The following SYN3 variants were observed in gnomAD, a reference collection of about 807,000 sequenced individuals.
SYN3 encodes the protein synapsin-3.
SYN3 carries 35 observed loss-of-function variants against 65.8 expected under a neutral mutation model. The observed-to-expected ratio is 0.53, with a 90% CI of 0.41 to 0.70. The LOEUF (loss-of-function observed/expected upper bound fraction) is 0.70. SYN3 is among the 30% of genes least tolerant of loss of function. The pLI, the probability that SYN3 is intolerant of heterozygous loss-of-function variation, is 0.00. For missense variants in SYN3, 680 were observed against 749.0 expected, an observed-to-expected ratio of 0.91 and a Z score of 1.08; for synonymous variants, 270 against 292.9, an observed-to-expected ratio of 0.92 and a Z score of 0.80.
intron 6 of SYN3, among the ~76,000 whole-genome samples, chr22:32,628,360 A>G (rs566308101): frequency 6.6e-6 from 1 of 152,280 alleles, no homozygotes; most frequent in South Asian, 2.1e-4. Flanking sequence ...ATTGAAGACC[A>G]TTACTGGAAG....
chr22:32,567,312 G>T (rs1055939439), intron 7 of SYN3, among the ~76,000 whole-genome samples: 1 of 148,606 alleles, frequency 6.7e-6, no homozygotes, highest in African/African-American at 2.5e-5. Flanking sequence ...ATAGAACGAT[G>T]ACGGAGATCC....
intron 6 of SYN3, among the ~76,000 whole-genome samples, chr22:32,847,592 C>A (rs778171183): frequency 1.4e-4 from 21 of 152,130 alleles, no homozygotes; most frequent in Non-Finnish European, 2.1e-4. Flanking sequence ...GGAATCAGTT[C>A]TTAGTAAAGA....
intron 7 of SYN3, among the ~76,000 whole-genome samples, chr22:32,558,141 GA>G (rs1242551260): frequency 3.9e-5 from 6 of 152,086 alleles, no homozygotes; most frequent in Non-Finnish European, 7.4e-5. Context: ...GCTGTTGAAT[GA>G]AAAAAAGAAA....
At chr22:32,805,030 T>C (rs995087142) in intron 6 of SYN3, among the ~76,000 whole-genome samples, 10 of 151,598 alleles carry the variant, frequency 6.6e-5, no homozygotes, top group Non-Finnish European at 1.3e-4. Context: ...TGTGTGCGTG[T>C]GTGTGTGTGT....
chr22:32,689,364 G>C (rs1402494896), intron 6 of SYN3, among the ~76,000 whole-genome samples: 1 of 152,216 alleles, frequency 6.6e-6, no homozygotes, highest in Non-Finnish European at 1.5e-5. Context: ...CAACTGCTCT[G>C]AGCCTTCGTT....
chr22:32,929,037 C>T (rs906938952), intron 4 of SYN3, among the ~76,000 whole-genome samples: 1 of 152,116 alleles, frequency 6.6e-6, no homozygotes, highest in African/African-American at 2.4e-5. Context: ...AATTCCAACA[C>T]TTTGGGAGGC....
chr22:32,749,531 C>A (rs2045047428), intron 6 of SYN3, among the ~76,000 whole-genome samples: 1 of 152,070 alleles, frequency 6.6e-6, no homozygotes, highest in South Asian at 2.1e-4. Context: ...ATACAAACTA[C>A]TCGGGAGGCT....
intron 6 of SYN3, among the ~76,000 whole-genome samples, chr22:32,714,397 G>A (rs73156417): frequency 3.0e-4 from 46 of 152,114 alleles, no homozygotes; most frequent in Admixed American, 1.4e-3. Flanking sequence ...AATTTCAGTG[G>A]TTCTCAACCC....
chr22:32,853,165 C>T (rs1275520188), intron 6 of SYN3, among the ~76,000 whole-genome samples: 2 of 152,204 alleles, frequency 1.3e-5, no homozygotes, highest in Non-Finnish European at 2.9e-5. Context: ...ACCCCCAGCC[C>T]ACAGGGAACC....
intron 6 of SYN3, among the ~76,000 whole-genome samples, chr22:32,657,924 C>T (rs1462137709): frequency 2.6e-5 from 4 of 152,198 alleles, no homozygotes; most frequent in Non-Finnish European, 4.4e-5. Flanking sequence ...CTTCTCTTTC[C>T]CCTCCTGTCT....
At chr22:32,618,425 G>A (rs1156665889) in intron 6 of SYN3, among the ~76,000 whole-genome samples, 1 of 152,148 alleles carries the variant, frequency 6.6e-6, no homozygotes, top group Non-Finnish European at 1.5e-5. Flanking sequence ...GTCAGCCCTC[G>A]AAACTTATGT....
At position 32,962,801 on chromosome 22, in the gene SYN3, C is replaced by CATCTATCT. The variant is rs56349346; in HGVS notation, c.369+17836_369+17843dup. ...TAGTAAAGTCTTGGCAGAGTATCGG[C>CATCTATCT]ATCTATCTATCTATCTATCTATCTA... On this transcript the variant is annotated intron_variant, in intron 3 of 13. Transcript: ENST00000358763. Among the ~76,000 whole-genome samples, 1,037 of 146,558 alleles carry CATCTATCT rather than the reference C, an allele frequency of 7.1e-3. 2 individuals carry two copies. The highest frequency in any genetic ancestry group is 0.012 in the East Asian group (59 of 4,822).
chr22:32,685,394 C>G (rs1399898329), intron 6 of SYN3, among the ~76,000 whole-genome samples: 2 of 152,238 alleles, frequency 1.3e-5, no homozygotes, highest in African/African-American at 4.8e-5. Flanking sequence ...TAGTCATGTG[C>G]CACATAACGA....
chr22:32,744,384 C>T (rs149199550), intron 6 of SYN3, among the ~76,000 whole-genome samples: 1 of 152,244 alleles, frequency 6.6e-6, no homozygotes, highest in African/African-American at 2.4e-5. Flanking sequence ...CTATGAGAGC[C>T]GTTCCCTGTT....
chr22:33,054,996 T>C (rs543863290), intron 1 of SYN3, among the ~76,000 whole-genome samples: 158 of 152,340 alleles, frequency 1.0e-3, no homozygotes, highest in African/African-American at 3.6e-3. Flanking sequence ...ATTGCTGTCC[T>C]CTAGCCCAGA....
At chr22:32,630,675 A>G (rs1382425528) in intron 6 of SYN3, among the ~76,000 whole-genome samples, 1 of 152,222 alleles carries the variant, frequency 6.6e-6, no homozygotes, top group East Asian at 1.9e-4. Flanking sequence ...GTGCACAGCT[A>G]TGTGACCAAC....
intron 6 of SYN3, among the ~76,000 whole-genome samples, chr22:32,756,933 A>G (rs1056737641): frequency 6.6e-6 from 1 of 152,246 alleles, no homozygotes; most frequent in African/African-American, 2.4e-5. Context: ...CTCAAATGCC[A>G]GAAGTAGGAT....
Position 32,898,828 on chromosome 22 carries a change from C to T in SYN3, c.462-29703G>A, listed in dbSNP as rs1441708462. Among the ~76,000 whole-genome samples the T allele has an allele frequency of 3.3e-5, 5 of 152,084 alleles. No individual in the cohort carries two copies. The South Asian group carries it at 8.3e-4, about 25-fold the overall frequency. ...CTATAAAATGAGATGGTGGGCTGGG[C>T]GCGGTGGCTCACGCCTGTAATCCCA... On this transcript the variant is annotated intron_variant, in intron 4 of 13. Coordinates refer to ENST00000358763, the MANE Select transcript of SYN3 (RefSeq NM_003490.4).
chr22:32,916,119 G>C (rs1313309583), intron 4 of SYN3, among the ~76,000 whole-genome samples: 2 of 152,178 alleles, frequency 1.3e-5, no homozygotes, highest in Non-Finnish European at 2.9e-5. Flanking sequence ...TGGCTGTGAG[G>C]AAGCTCAATA....
Sources: gnomAD v4.1 joint callset for allele counts (sites outside exome capture counted in the v4.1 genomes callset) on GRCh38, gnomAD v4.1.1 for gene constraint, MANE v1.5 for transcripts, NCBI Gene and HGNC (gene_info 2026-07-23, HGNC 2026-07-21) for gene names.